The following RAPGEF2 variants were observed in gnomAD, a reference collection of about 807,000 sequenced individuals.
RAPGEF2 encodes PDZ domain containing guanine nucleotide exchange factor (GEF) 1.
A neutral mutation model predicts 186.7 loss-of-function variants in RAPGEF2; 54 were observed. That is an observed-to-expected ratio of 0.29 (90% CI 0.23 to 0.36). The LOEUF (loss-of-function observed/expected upper bound fraction) is 0.36. Ranked by LOEUF, RAPGEF2 falls within the 10% of genes least tolerant of loss-of-function variation. The pLI is 1.00. For missense variants in RAPGEF2, 1,532 were observed against 2,045.0 expected, an observed-to-expected ratio of 0.75 and a Z score of 4.84; for synonymous variants, 712 against 705.9, an observed-to-expected ratio of 1.01 and a Z score of -0.14.
At chr4:159,250,206 A>G (rs1367610465) in intron 7 of RAPGEF2, among the ~76,000 whole-genome samples, 1 of 152,148 alleles carries the variant, frequency 6.6e-6, no homozygotes, top group African/African-American at 2.4e-5. Context: ...AAGACAACAT[A>G]TATGGTGCAG....
At chr4:159,248,469 A>G (rs1317520677) in intron 7 of RAPGEF2, among the ~76,000 whole-genome samples, 1 of 152,184 alleles carries the variant, frequency 6.6e-6, no homozygotes, top group Non-Finnish European at 1.5e-5. Context: ...CAGGTTTACT[A>G]GTTCCTCTTT....
intron 1 of RAPGEF2, among the ~76,000 whole-genome samples, chr4:159,112,831 C>T (rs891692719): frequency 1.3e-5 from 2 of 151,974 alleles, no homozygotes; most frequent in Non-Finnish European, 2.9e-5. Context: ...CAAAATATCT[C>T]CCCCACAAAA....
At chr4:159,139,713 A>G (rs1742107048) in intron 1 of RAPGEF2, among the ~76,000 whole-genome samples, 1 of 152,220 alleles carries the variant, frequency 6.6e-6, no homozygotes, top group Admixed American at 6.5e-5. Context: ...TGGTTTGTTA[A>G]GAGATTTCCC....
chr4:159,202,764 G>A (rs558372559), intron 3 of RAPGEF2, among the ~76,000 whole-genome samples: 15 of 152,162 alleles, frequency 9.9e-5, no homozygotes, highest in African/African-American at 3.1e-4. Flanking sequence ...ACCATGCCTG[G>A]CTAATTTTTG....
At chr4:159,241,992 G>C (rs7685678) in intron 6 of RAPGEF2, among the ~76,000 whole-genome samples, 8,152 of 152,014 alleles carry the variant, frequency 0.054, 747 homozygotes, top group African/African-American at 0.18. Flanking sequence ...ATTTCTAATA[G>C]GTTCAAAGAT....
At chr4:159,237,529 G>T (rs551218320) in intron 4 of RAPGEF2, among the ~76,000 whole-genome samples, 12 of 151,922 alleles carry the variant, frequency 7.9e-5, no homozygotes, top group Non-Finnish European at 1.2e-4. Flanking sequence ...ACGTGACTTG[G>T]CTCCTAATAC....
intron 4 of RAPGEF2, among the ~76,000 whole-genome samples, chr4:159,211,137 A>G (rs1376887631): frequency 6.6e-6 from 1 of 152,184 alleles, no homozygotes; most frequent in Non-Finnish European, 1.5e-5. Context: ...CTACTCACTT[A>G]TGGCCTTATG....
intron 2 of RAPGEF2, among the ~76,000 whole-genome samples, chr4:159,188,234 C>T (rs909815580): frequency 1.3e-5 from 2 of 152,324 alleles, no homozygotes; most frequent in Admixed American, 1.3e-4. Flanking sequence ...ACAAATGTCA[C>T]ATTCCCACTG....
At chr4:159,284,170 AC>A (rs1170980523) in intron 7 of RAPGEF2, among the ~76,000 whole-genome samples, 1 of 152,154 alleles carries the variant, frequency 6.6e-6, no homozygotes, top group African/African-American at 2.4e-5. Context: ...AATACACCCC[AC>A]CAGAATAACA....
intron 4 of RAPGEF2, among the ~76,000 whole-genome samples, chr4:159,214,616 A>G (rs1353841654): frequency 1.3e-5 from 2 of 152,208 alleles, no homozygotes; most frequent in Non-Finnish European, 2.9e-5. Context: ...TTTCCTAATA[A>G]AGTCACAATA....
chr4:159,232,318 A>G (rs558147214), intron 4 of RAPGEF2, among the ~76,000 whole-genome samples: 30 of 152,324 alleles, frequency 2.0e-4, no homozygotes, highest in African/African-American at 5.8e-4. Context: ...GCAACCTTGA[A>G]TCGACTTTCT....
chr4:159,183,507 T>C (rs1747233648), intron 1 of RAPGEF2, among the ~76,000 whole-genome samples: 1 of 152,204 alleles, frequency 6.6e-6, no homozygotes, highest in Admixed American at 6.5e-5. Context: ...GATTAGGTAA[T>C]GGTTTCTTAA....
At chr4:159,249,327 C>G (rs1755028935) in intron 7 of RAPGEF2, among the ~76,000 whole-genome samples, 1 of 141,632 alleles carries the variant, frequency 7.1e-6, no homozygotes, top group African/African-American at 2.7e-5. Flanking sequence ...GATATTCAGA[C>G]CTATTTCCTG....
Position 159,254,950 on chromosome 4 carries a change from T to G in RAPGEF2, c.543+11159T>G, listed in dbSNP as rs114307427. Among the ~76,000 whole-genome samples the G allele has an allele frequency of 3.4e-3, 516 of 152,360 alleles. 4 individuals are homozygous for G. Among genetic ancestry groups the G allele is most frequent in the African/African-American group, 0.012 (498 of 41,588 alleles). On this transcript the variant is annotated intron_variant, in intron 7 of 29. Coordinates refer to ENST00000691494, the MANE Select transcript of RAPGEF2 (RefSeq NM_001394067.2). ...TGGTGCATAATGACATTTTTGTCAG[T>G]GAACGACCACATACACAACAGTGGT...
At chr4:159,130,867 G>A (rs192381308) in intron 1 of RAPGEF2, among the ~76,000 whole-genome samples, 7 of 151,872 alleles carry the variant, frequency 4.6e-5, no homozygotes, top group Admixed American at 1.3e-4. Flanking sequence ...GCACCACCAC[G>A]TCTGGCTAAT....
intron 4 of RAPGEF2, among the ~76,000 whole-genome samples, chr4:159,214,899 G>A (rs1452461939): frequency 6.6e-6 from 1 of 152,192 alleles, no homozygotes; most frequent in Non-Finnish European, 1.5e-5. Context: ...GTCTTACTCT[G>A]TTGTCCAGGC....
chr4:159,265,236 C>G (rs1757301718), intron 7 of RAPGEF2, among the ~76,000 whole-genome samples: 1 of 152,168 alleles, frequency 6.6e-6, no homozygotes, highest in Non-Finnish European at 1.5e-5. Context: ...GATATGGCAC[C>G]AGCCATCATG....
chr4:159,310,226 A>T (rs1479084283), intron 8 of RAPGEF2, among the ~76,000 whole-genome samples: 2 of 152,168 alleles, frequency 1.3e-5, no homozygotes, highest in Non-Finnish European at 2.9e-5. Context: ...TGCCTATCAA[A>T]TTAGCACAGA....
At chr4:159,266,094 C>G (rs1757393220) in intron 7 of RAPGEF2, among the ~76,000 whole-genome samples, 1 of 151,910 alleles carries the variant, frequency 6.6e-6, no homozygotes, top group African/African-American at 2.4e-5. Context: ...TAGGAGAGAC[C>G]TGCACATTTA....
Sources: gnomAD v4.1 joint callset for allele counts (sites outside exome capture counted in the v4.1 genomes callset) on GRCh38, gnomAD v4.1.1 for gene constraint, MANE v1.5 for transcripts, NCBI Gene and HGNC (gene_info 2026-07-23, HGNC 2026-07-21) for gene names.